Variants in ACAT1 observed in about 807,000 individuals in gnomAD.
ACAT1 encodes acetyl-CoA acetyltransferase 1.
Under a neutral mutation model 47.3 loss-of-function variants are expected in ACAT1, and 28 were observed. That is an observed-to-expected ratio of 0.59 (90% CI 0.44 to 0.81). The LOEUF is 0.81. Among genes scored for constraint, ACAT1 ranks in the 30% least tolerant of loss-of-function variants. The probability of loss-of-function intolerance (pLI) is 0.00; values close to 1 mark genes in which losing one functional copy is unlikely to be tolerated. For missense variants in ACAT1, 469 were observed against 524.3 expected (o/e 0.89, Z 1.03); for synonymous variants, 181 against 173.6 (o/e 1.04, Z -0.34).
intron 5 of ACAT1, 154 bp from the exon 6 acceptor site, chr11:108,138,744 T>G: frequency 1.2e-6 from 1 of 865,706 alleles, no homozygotes; most frequent in Non-Finnish European, 1.9e-6. Context: ...TTCATCAGGG[T>G]GAAGTGGTAA....
At chr11:108,119,898 A>C (rs968420081), upstream of ACAT1, among the ~76,000 whole-genome samples, 1 of 152,124 alleles carries the variant, frequency 6.6e-6, no homozygotes, top group African/African-American at 2.4e-5. Context: ...GTGATGGGGA[A>C]ATTAAAGACA....
chr11:108,141,538 G>C, intron 7 of ACAT1, 67 bp from the exon 8 acceptor site: 2 of 1,221,200 alleles, frequency 1.6e-6, no homozygotes, highest in Non-Finnish European at 2.4e-6. Flanking sequence ...TAGGCATCTT[G>C]TACAACAGTT....
intron 1 of ACAT1, among the ~76,000 whole-genome samples, chr11:108,126,791 C>CTTTT (rs766192283): frequency 6.1e-5 from 7 of 114,560 alleles, no homozygotes; most frequent in East Asian, 5.2e-4. Context: ...AACAGGTTTT[C>CTTTT]TTTTTTTTTT....
At position 108,147,527 on chromosome 11, in the gene ACAT1, A is replaced by T. The variant is rs192326657; in HGVS notation, c.*137A>T. On this transcript the variant is annotated 3_prime_UTR_variant, in exon 12 of 12. Coordinates refer to ENST00000265838, the MANE Select transcript of ACAT1 (RefSeq NM_000019.4). ...TTTTCTATGTTAACTTTTAAAAATC[A>T]AAATGATGAAATCCCAAAACATTTT... 37 of 1,146,788 alleles carry T rather than the reference A, an allele frequency of 3.2e-5. No individual in the cohort carries two copies. The highest frequency in any genetic ancestry group is 4.4e-5 in the Non-Finnish European group (36 of 809,438). 71.0% of individuals were successfully genotyped at this position (1,146,788 alleles called of 1,614,324 possible).
chr11:108,125,447 G>A (rs1322905711), intron 1 of ACAT1, among the ~76,000 whole-genome samples: 3 of 152,282 alleles, frequency 2.0e-5, no homozygotes, highest in African/African-American at 2.4e-5. Flanking sequence ...ACACCATCCC[G>A]CCATCAGGAA....
chr11:108,144,777 T>A (rs565100743), intron 10 of ACAT1, among the ~76,000 whole-genome samples: 2 of 152,226 alleles, frequency 1.3e-5, no homozygotes, highest in Admixed American at 1.3e-4. Context: ...AGTGGAGTGA[T>A]GATCTGCTCA....
At chr11:108,135,978 G>A in intron 5 of ACAT1, 1 of 481,608 alleles carries the variant, frequency 2.1e-6, no homozygotes, top group Non-Finnish European at 3.7e-6. Flanking sequence ...CATTGCTTGA[G>A]CCCAGGCTTG....
chr11:108,122,477 T>C (rs941191938), intron 1 of ACAT1, among the ~76,000 whole-genome samples: 2 of 152,224 alleles, frequency 1.3e-5, no homozygotes, highest in Admixed American at 6.5e-5. Flanking sequence ...GATCCAGTTA[T>C]GTTGTGAGTA....
rs185175997 is a variant in ACAT1 at position 108,134,399 on chromosome 11, C to T, written c.334+83C>T. On this transcript the variant is annotated intron_variant, in intron 4 of 11. Coordinates refer to ENST00000265838, the MANE Select transcript of ACAT1 (RefSeq NM_000019.4). The stretch of plus-strand genomic sequence containing the variant: ...GTGGCTCATGCCTGTAATCCCAGCA[C>T]TTTGGGAGGCCGAGGCAGGCGGATC... The T allele has an allele frequency of 1.0e-4, 107 of 1,073,938 alleles. No homozygotes were observed. In the African/African-American group the frequency reaches 1.4e-3, roughly 14 times the overall value. The allele number at this position is 1,073,938 out of a possible 1,614,324, so 66.5% of individuals were successfully genotyped here.
At chr11:108,144,232 T>G (rs1280490209) in intron 10 of ACAT1, 185 bp downstream of exon 10, 2 of 629,692 alleles carry the variant, frequency 3.2e-6, no homozygotes, top group East Asian at 2.8e-5. Flanking sequence ...AAAAAAAAAA[T>G]AAAGAACAGC....
Position 108,138,974 on chromosome 11 carries a change from G to A in ACAT1, c.512G>A (p.Gly171Asp). The change falls in exon 6 of 12, where the codon GGT (glycine) becomes GAT (aspartate). Residue 171 changes from glycine (G) to aspartate (D), a missense_variant. Coordinates refer to ENST00000265838, the MANE Select transcript of ACAT1 (RefSeq NM_000019.4). ...YVMNRGSTPY[G>D]GVKLEDLIVK... The stretch of plus-strand genomic sequence containing the variant: ...ATGAACAGAGGATCAACACCATATG[G>A]TGGGGTAAAGCTTGAAGATTTGATT... The A allele has an allele frequency of 6.2e-7, 1 of 1,614,188 alleles. No individual in the cohort carries two copies. The highest frequency in any genetic ancestry group is 1.1e-5 in the South Asian group (1 of 91,086).
intron 10 of ACAT1, among the ~76,000 whole-genome samples, chr11:108,144,821 G>A (rs1249105492): frequency 6.6e-6 from 1 of 152,094 alleles, no homozygotes; most frequent in Non-Finnish European, 1.5e-5. Context: ...AAAGGAACAC[G>A]CAGCTTCTGA....
intron 11 of ACAT1, among the ~76,000 whole-genome samples, chr11:108,146,687 T>C (rs1389953924): frequency 9.9e-5 from 15 of 152,224 alleles, no homozygotes; most frequent in Admixed American, 9.2e-4. Context: ...TGGGGGCTGA[T>C]TTCAGTGCAC....
At chr11:108,140,351 C>A in intron 7 of ACAT1, 136 bp downstream of exon 7, 1 of 997,348 alleles carries the variant, frequency 1.0e-6, no homozygotes, top group South Asian at 1.4e-5. Context: ...GTTGCCAGTT[C>A]AGAGAGAATA....
chr11:108,128,074 G>C (rs1047407396), intron 1 of ACAT1: 11 of 152,246 alleles, frequency 7.2e-5, no homozygotes, highest in Non-Finnish European at 1.6e-4. Flanking sequence ...ATTTCTCAAA[G>C]AAAGGTGAGC....
At chr11:108,145,748 A>T (rs2077692752) in intron 10 of ACAT1, among the ~76,000 whole-genome samples, 1 of 151,534 alleles carries the variant, frequency 6.6e-6, no homozygotes, top group Admixed American at 6.6e-5. Context: ...ATGAGCAACT[A>T]AAAATCTGAA....
Position 108,147,254 on chromosome 11 carries a change from G to T in ACAT1, c.1164-16G>T. 1 of 1,613,176 alleles carries T rather than the reference G, an allele frequency of 6.2e-7. No homozygotes were observed. The highest frequency in any genetic ancestry group is 8.5e-7 in the Non-Finnish European group (1 of 1,179,456). On this transcript the variant is annotated splice_polypyrimidine_tract_variant and intron_variant, in intron 11 of 11. Coordinates refer to ENST00000265838, the MANE Select transcript of ACAT1 (RefSeq NM_000019.4). ...TCTGTACTTCATTAAAGAAGTAAAT[G>T]CTTTCTTAATTTTAGGATGTCTGGA...
chr11:108,143,969 CT>C lies in ACAT1; in HGVS notation c.941-7del, dbSNP rs376661693. ...AAAGATTTTAACAACCCCCCCCCCC[CT>C]TTTTTTAAACAGCATTTGCTGACGC... is the stretch of plus-strand genomic sequence containing the variant. On this transcript the variant is annotated splice_polypyrimidine_tract_variant and intron_variant, in intron 9 of 11. Coordinates refer to ENST00000265838, the MANE Select transcript of ACAT1 (RefSeq NM_000019.4). 1.5e-4 allele frequency: 103 copies of C among 685,154 alleles called. No homozygotes were observed. Among genetic ancestry groups the C allele is most frequent in the Non-Finnish European group, 2.1e-4 (92 of 444,264 alleles). The allele number at this position is 685,154 out of a possible 1,614,324, so 42.4% of individuals were successfully genotyped here.
intron 2 of ACAT1, among the ~76,000 whole-genome samples, chr11:108,132,853 CAAAAAAAAA>C (rs57501370): frequency 0.052 from 2,478 of 47,916 alleles, 46 homozygotes; most frequent in African/African-American, 0.11. Context: ...AACTCCATCT[CAAAAAAAAA>C]AAAAAAAAAA....
Sources: allele counts gnomAD v4.1 joint callset (sites outside exome capture counted in the v4.1 genomes callset), GRCh38; gene constraint gnomAD v4.1.1; transcripts MANE v1.5; gene names NCBI Gene and HGNC (gene_info 2026-07-23, HGNC 2026-07-21).